Variants in CAMTA1 observed in about 807,000 individuals in gnomAD.
CAMTA1 encodes calmodulin-binding transcription activator 1.
Under a neutral mutation model 170.9 loss-of-function variants are expected in CAMTA1, and 27 were observed. That is an observed-to-expected ratio of 0.16 (90% CI 0.12 to 0.22). The LOEUF is 0.22. Among genes scored for constraint, CAMTA1 ranks in the 10% least tolerant of loss-of-function variants. The probability of loss-of-function intolerance (pLI) is 1.00; values close to 1 mark genes in which losing one functional copy is unlikely to be tolerated. For synonymous variants in CAMTA1, 833 were observed against 891.5 expected (o/e 0.93, Z 1.17); for missense variants, 1,619 against 2,217.2 (o/e 0.73, Z 5.42).
chr1:7,443,660 G>A lies in CAMTA1; in HGVS notation c.439-24170G>A, dbSNP rs2092607365. On this transcript the variant is annotated intron_variant, in intron 5 of 22. Transcript: ENST00000303635. This position sits in a 1 kb window ranked among gnomAD's most constrained non-coding sequence, Gnocchi z 4.1. ...TGCCCTATAGTGCACCGTTGGGGTA[G>A]AGGGAGGCCCAGAGCCTGGGGCATT... Among the ~76,000 whole-genome samples the A allele has an allele frequency of 6.6e-6, 1 of 152,178 alleles. No individual in the cohort carries two copies. Among genetic ancestry groups the A allele is most frequent in the African/African-American group, 2.4e-5 (1 of 41,444 alleles).
In CAMTA1 at chr1:7,177,991, G is replaced by T. The variant is rs749428235; in HGVS notation, c.303-71500G>T. ...CTGAACCCCCTCCCCACGCGTGGAG[G>T]CTCCTCCTACACACTGAGCCACTTC... is the stretch of plus-strand genomic sequence containing the variant. On this transcript the variant is annotated intron_variant, in intron 4 of 22. Transcript: ENST00000303635. 4.0e-4 allele frequency among the ~76,000 whole-genome samples: 60 copies of T among 151,410 alleles called. 1 individual carries two copies. The highest frequency in any genetic ancestry group is 1.0e-3 in the South Asian group (5 of 4,786).
At chr1:7,278,919 G>C (rs745415990) in intron 5 of CAMTA1, among the ~76,000 whole-genome samples, 14 of 152,166 alleles carry the variant, frequency 9.2e-5, no homozygotes, top group Non-Finnish European at 1.3e-4. Context: ...ATCTAATCTG[G>C]GGATCAGAGA....
intron 3 of CAMTA1, among the ~76,000 whole-genome samples, chr1:6,945,436 C>G (rs906308704): frequency 1.3e-5 from 2 of 152,024 alleles, no homozygotes; most frequent in Non-Finnish European, 2.9e-5. Context: ...GCAGTCTCAA[C>G]CTCCTGGGTT....
At chr1:7,145,488 A>T (rs1414035989) in intron 4 of CAMTA1, among the ~76,000 whole-genome samples, 1 of 152,216 alleles carries the variant, frequency 6.6e-6, no homozygotes, top group Non-Finnish European at 1.5e-5. Context: ...GAAAATGGAA[A>T]TCGAGACGGG....
At chr1:6,981,091 C>G (rs935559528) in intron 3 of CAMTA1, among the ~76,000 whole-genome samples, 14 of 152,082 alleles carry the variant, frequency 9.2e-5, no homozygotes, top group Non-Finnish European at 2.1e-4. Context: ...CCCCAATGAG[C>G]AAACGCACTG....
At chr1:7,531,578 G>T (rs901912772) in intron 6 of CAMTA1, among the ~76,000 whole-genome samples, 1 of 152,240 alleles carries the variant, frequency 6.6e-6, no homozygotes, top group South Asian at 2.1e-4. Flanking sequence ...CCCACTACGG[G>T]TCTCAGACCA....
Position 7,534,894 on chromosome 1 carries a change from C to G in CAMTA1, c.510+66993C>G, listed in dbSNP as rs1376353915. ...TGCCTTTTGCCTGGTACAGATGACT[C>G]TGTCTCGATTTTGAAAAAGATGCAG... On this transcript the variant is annotated intron_variant, in intron 6 of 22. Coordinates refer to ENST00000303635, the MANE Select transcript of CAMTA1 (RefSeq NM_015215.4). This position sits in a 1 kb window ranked among gnomAD's most constrained non-coding sequence, Gnocchi z 5.6. 2.6e-5 allele frequency among the ~76,000 whole-genome samples: 4 copies of G among 151,484 alleles called. No homozygotes were observed. Among genetic ancestry groups the G allele is most frequent in the African/African-American group, 7.3e-5 (3 of 41,136 alleles).
intron 3 of CAMTA1, among the ~76,000 whole-genome samples, chr1:6,895,166 G>A (rs1213936690): frequency 1.3e-5 from 2 of 152,174 alleles, no homozygotes; most frequent in Admixed American, 6.5e-5. Context: ...GCTGTTAAAA[G>A]GTGTCAGGTG....
At chr1:6,788,905 T>A (rs749127147) in intron 1 of CAMTA1, among the ~76,000 whole-genome samples, 1 of 152,226 alleles carries the variant, frequency 6.6e-6, no homozygotes, top group Non-Finnish European at 1.5e-5. Context: ...TACCTTGTAG[T>A]GCAGAATGCT....
chr1:7,081,311 C>T (rs1639982352), intron 3 of CAMTA1, among the ~76,000 whole-genome samples: 2 of 152,300 alleles, frequency 1.3e-5, no homozygotes, highest in South Asian at 2.1e-4. Context: ...TGTCTATTGA[C>T]GAAGCTTCAC....
chr1:7,317,449 C>T (rs569689276), intron 5 of CAMTA1, among the ~76,000 whole-genome samples: 15 of 152,348 alleles, frequency 9.8e-5, no homozygotes, highest in African/African-American at 3.6e-4. Context: ...TGTGAGGGTT[C>T]AGTGAATTAA....
At chr1:7,710,964 T>TG (rs1283721722) in intron 11 of CAMTA1, among the ~76,000 whole-genome samples, 1 of 152,222 alleles carries the variant, frequency 6.6e-6, no homozygotes, top group Non-Finnish European at 1.5e-5. Context: ...TCATAAGGCC[T>TG]GGCTCATACA....
intron 4 of CAMTA1, among the ~76,000 whole-genome samples, chr1:7,194,458 C>A (rs2148967358): frequency 6.6e-6 from 1 of 152,176 alleles, no homozygotes; most frequent in Non-Finnish European, 1.5e-5. Flanking sequence ...TTCTTTAAAT[C>A]ATTGAACGAG....
rs952115046 is a variant in CAMTA1 at position 7,034,731 on chromosome 1, G to A, written c.235-56573G>A. On this transcript the variant is annotated intron_variant, in intron 3 of 22. Transcript: ENST00000303635. ...ATAGCAAGAAAGCTGGGGCAGTCCC[G>A]GGGCTGACCTCGCCGTTCTTCACTC... 5.9e-5 allele frequency among the ~76,000 whole-genome samples: 9 copies of A among 152,112 alleles called. No homozygotes were observed. The South Asian group carries it at 1.0e-3, about 18-fold the overall frequency.
At chr1:7,605,547 G>A (rs554954334) in intron 6 of CAMTA1, among the ~76,000 whole-genome samples, 1 of 152,304 alleles carries the variant, frequency 6.6e-6, no homozygotes, top group East Asian at 1.9e-4. Context: ...GCAGTATTAG[G>A]GTGGGAGTGA....
rs188075372 is a variant in CAMTA1, at chr1:7,224,961, G to A, written c.303-24530G>A. Reference sequence around the variant, plus strand: ...TGGCAGAAAGCGCCTTGACCCCATCGTCTAGTGTCTCCTTGACTGAGATGA... The same window carrying A: ...TGGCAGAAAGCGCCTTGACCCCATCATCTAGTGTCTCCTTGACTGAGATGA... On this transcript the variant is annotated intron_variant, in intron 4 of 22. Transcript: ENST00000303635. The surrounding 1 kb of genome is among the most constrained non-coding windows in gnomAD (Gnocchi z 5.2). Among the ~76,000 whole-genome samples, 43 of 152,318 alleles carry A rather than the reference G, an allele frequency of 2.8e-4. No homozygotes were observed. Among genetic ancestry groups the A allele is most frequent in the African/African-American group, 8.9e-4 (37 of 41,562 alleles).
chr1:6,834,929 G>A (rs762910902), intron 3 of CAMTA1, among the ~76,000 whole-genome samples: 5 of 152,112 alleles, frequency 3.3e-5, no homozygotes, highest in Non-Finnish European at 5.9e-5. Context: ...GGGAGCTCCC[G>A]CCCACACTCG....
At position 7,195,593 on chromosome 1, in the gene CAMTA1, A is replaced by G. The variant is rs1655374928; in HGVS notation, c.303-53898A>G. 6.6e-6 allele frequency among the ~76,000 whole-genome samples: 1 copy of G among 152,280 alleles called. No individual in the cohort carries two copies. Among genetic ancestry groups the G allele is most frequent in the East Asian group, 1.9e-4 (1 of 5,166 alleles). The stretch of plus-strand genomic sequence containing the variant: ...GCACTGTGACACTCTCCCGCCACAC[A>G]TGGCACACTCACCTTCAGCCAGGTG... On this transcript the variant is annotated intron_variant, in intron 4 of 22. Transcript: ENST00000303635. The surrounding 1 kb of genome is among the most constrained non-coding windows in gnomAD (Gnocchi z 4.1).
At chr1:7,425,679 G>T (rs949340709) in intron 5 of CAMTA1, among the ~76,000 whole-genome samples, 1 of 148,110 alleles carries the variant, frequency 6.8e-6, no homozygotes, top group Non-Finnish European at 1.5e-5. Flanking sequence ...ACTCAAAGAC[G>T]TCAGGCATGG....
Sources: allele counts gnomAD v4.1 joint callset (sites outside exome capture counted in the v4.1 genomes callset), GRCh38; gene constraint gnomAD v4.1.1; non-coding constraint Gnocchi (gnomAD v3.1); transcripts MANE v1.5; gene names NCBI Gene and HGNC (gene_info 2026-07-23, HGNC 2026-07-21).